Variants in PAPSS1 observed in about 807,000 individuals in gnomAD.
The protein encoded by PAPSS1 is 3'-phosphoadenosine 5'-phosphosulfate synthase 1.
PAPSS1 carries 50 observed loss-of-function variants against 72.0 expected under a neutral mutation model. The ratio of observed to expected loss-of-function variants is 0.69; its 90% CI spans 0.55 to 0.88. The LOEUF is 0.88. Among genes scored for constraint, PAPSS1 ranks in the 40% least tolerant of loss-of-function variants. The pLI is 0.00. For missense variants in PAPSS1, 657 were observed against 782.2 expected (o/e 0.84, Z 1.91); for synonymous variants, 261 against 263.6 (o/e 0.99, Z 0.09).
chr4:107,664,736 A>G (rs537378862), intron 5 of PAPSS1, among the ~76,000 whole-genome samples: 31 of 152,340 alleles, frequency 2.0e-4, no homozygotes, highest in African/African-American at 4.1e-4. Flanking sequence ...GTAAAGGGCA[A>G]TATCTATACT....
At chr4:107,659,303 TC>T (rs1359844219) in intron 6 of PAPSS1, among the ~76,000 whole-genome samples, 2 of 152,236 alleles carry the variant, frequency 1.3e-5, no homozygotes, top group Non-Finnish European at 2.9e-5. Flanking sequence ...CTCCTTACTT[TC>T]AGATGTGGCA....
chr4:107,656,661 T>C (rs1727019235), intron 7 of PAPSS1, among the ~76,000 whole-genome samples: 2 of 152,182 alleles, frequency 1.3e-5, no homozygotes, highest in Admixed American at 1.3e-4. Context: ...TCCTCAGCCC[T>C]GATTCCCAGA....
intron 1 of PAPSS1, among the ~76,000 whole-genome samples, chr4:107,707,983 C>A (rs1723383252): frequency 6.6e-6 from 1 of 152,168 alleles, no homozygotes; most frequent in African/African-American, 2.4e-5. Flanking sequence ...ACATCTGAAT[C>A]TTATTATCAT....
rs1395449556 is a variant in PAPSS1, at chr4:107,654,876, G to A, written c.920C>T (p.Pro307Leu). The change falls in exon 8 of 12, where the codon CCT becomes CTT. Residue 307 changes from proline to leucine, a missense_variant. Physicochemically the swap from Pro to Leu is moderately conservative, Grantham distance 98. This residue lies in a region of PAPSS1 where 190 missense variants were observed against 176.7 expected (regional missense o/e 1.07). Transcript: ENST00000265174. ...LDGGVINLSV[P>L]IVLTATHEDK... The stretch of plus-strand genomic sequence containing the variant: ...TTCATGAGTCGCAGTCAGAACTATA[G>A]GTACTGACAAGTTAATGACACCTCC... 1.2e-6 allele frequency: 2 copies of A among 1,613,634 alleles called. No homozygotes were observed. The highest frequency in any genetic ancestry group is 3.3e-5 in the Admixed American group (2 of 59,988).
At position 107,644,803 on chromosome 4, in the gene PAPSS1, T is replaced by TGTATG; in HGVS notation, c.1504_1505insCATAC (p.Glu502AlafsTer47). Reference sequence around the variant, plus strand: ...GTGAAAATCTTACAAGCAGTCTACCTCAGTTGGTCCAGCATACATCATGGG... The same window carrying TGTATG: ...GTGAAAATCTTACAAGCAGTCTACCTGTATGCAGTTGGTCCAGCATACATCATGGG... On this transcript the variant is annotated frameshift_variant and splice_region_variant, in exon 10 of 12. Coordinates refer to ENST00000265174, the MANE Select transcript of PAPSS1 (RefSeq NM_005443.5). LOFTEE classifies it high-confidence loss of function. 1 of 1,608,302 alleles carries TGTATG rather than the reference T, an allele frequency of 6.2e-7. No individual in the cohort carries two copies. The highest frequency in any genetic ancestry group is 8.5e-7 in the Non-Finnish European group (1 of 1,177,726).
intron 9 of PAPSS1, among the ~76,000 whole-genome samples, chr4:107,653,234 A>C (rs962711221): frequency 6.6e-6 from 1 of 152,064 alleles, no homozygotes; most frequent in Non-Finnish European, 1.5e-5. Context: ...CAGCTTTAAC[A>C]TGCGAGTTTT....
rs531499275 is a variant in PAPSS1 at position 107,646,452 on chromosome 4, C to T, written c.1238-1382G>A. Among the ~76,000 whole-genome samples the T allele has an allele frequency of 2.6e-5, 4 of 151,904 alleles. No homozygotes were observed. The East Asian group carries it at 7.7e-4, about 29-fold the overall frequency. On this transcript the variant is annotated intron_variant, in intron 9 of 11. Coordinates refer to ENST00000265174, the MANE Select transcript of PAPSS1 (RefSeq NM_005443.5). ...CCAGTGGCAAGAAGCAAAACAAAAGCCCATACATTCTAAATACCATTCCCC... is the reference window on the plus strand; with the variant it reads ...CCAGTGGCAAGAAGCAAAACAAAAGTCCATACATTCTAAATACCATTCCCC...
intron 5 of PAPSS1, among the ~76,000 whole-genome samples, chr4:107,676,952 T>C (rs1434154297): frequency 2.0e-5 from 3 of 152,200 alleles, no homozygotes; most frequent in African/African-American, 7.2e-5. Context: ...CCCTATTTAA[T>C]AAATGGTGCT....
At chr4:107,711,213 T>C (rs1457970767) in intron 1 of PAPSS1, among the ~76,000 whole-genome samples, 2 of 152,230 alleles carry the variant, frequency 1.3e-5, no homozygotes, top group African/African-American at 4.8e-5. Flanking sequence ...AATGGAATAA[T>C]TCATTGCAAG....
At chr4:107,677,909 C>T (rs916820336) in intron 5 of PAPSS1, among the ~76,000 whole-genome samples, 8 of 152,060 alleles carry the variant, frequency 5.3e-5, no homozygotes, top group Non-Finnish European at 1.0e-4. Context: ...AGCTGGAAAC[C>T]ATCATTCTCA....
At chr4:107,659,675 T>C (rs1228669703) in intron 6 of PAPSS1, among the ~76,000 whole-genome samples, 1 of 152,184 alleles carries the variant, frequency 6.6e-6, no homozygotes, top group Non-Finnish European at 1.5e-5. Context: ...TTAGAACCCA[T>C]TATTTCTGAT....
At chr4:107,635,187 C>T (rs1335794533) in intron 10 of PAPSS1, among the ~76,000 whole-genome samples, 2 of 152,182 alleles carry the variant, frequency 1.3e-5, no homozygotes, top group Middle Eastern at 3.4e-3. Context: ...AACATGAATA[C>T]ACTTTTTTAG....
At chr4:107,667,243 T>C (rs1383550958) in intron 5 of PAPSS1, among the ~76,000 whole-genome samples, 2 of 152,120 alleles carry the variant, frequency 1.3e-5, no homozygotes, top group African/African-American at 2.4e-5. Flanking sequence ...GGCTGGGGGT[T>C]GAAGTTCATA....
rs767178112 is a variant in PAPSS1, at chr4:107,644,907, C to A, written c.1401G>T (p.Trp467Cys). The A allele has an allele frequency of 5.0e-6, 8 of 1,613,936 alleles. No individual in the cohort carries two copies. The South Asian group carries it at 6.6e-5, about 13-fold the overall frequency. Residue 467 changes from tryptophan to cysteine, a missense_variant, in exon 10 of 12, where the codon TGG becomes TGT. This residue lies in a region of PAPSS1 where 166 missense variants were observed against 228.3 expected (regional missense o/e 0.73). Coordinates refer to ENST00000265174, the MANE Select transcript of PAPSS1 (RefSeq NM_005443.5). Reference protein sequence around the residue: ...WTKDDDVPLMWRMKQHAAVLE... With the variant: ...WTKDDDVPLMCRMKQHAAVLE... ...ACACTGCAGCATGCTGCTTCATACGCCACATCAAAGGAACATCGTCATCCT... is the reference window on the plus strand; with the variant it reads ...ACACTGCAGCATGCTGCTTCATACGACACATCAAAGGAACATCGTCATCCT...
chr4:107,636,211 ACTAACT>A (rs562260005), intron 10 of PAPSS1, among the ~76,000 whole-genome samples: 74 of 152,352 alleles, frequency 4.9e-4, no homozygotes, highest in African/African-American at 1.7e-3. Flanking sequence ...AAAGACAGAA[ACTAACT>A]CAAAGATCCT....
intron 2 of PAPSS1, among the ~76,000 whole-genome samples, chr4:107,695,696 A>T (rs1317824729): frequency 6.6e-6 from 1 of 152,228 alleles, no homozygotes; most frequent in African/African-American, 2.4e-5. Context: ...AGTTTTTAAC[A>T]TAGATGTTGA....
chr4:107,675,865 C>T (rs1408836514), intron 5 of PAPSS1, among the ~76,000 whole-genome samples: 1 of 152,160 alleles, frequency 6.6e-6, no homozygotes, highest in Non-Finnish European at 1.5e-5. Context: ...CCCTGGGATG[C>T]AAGGCTGGTT....
intron 1 of PAPSS1, among the ~76,000 whole-genome samples, chr4:107,717,027 C>T (rs1010194104): frequency 6.6e-6 from 1 of 151,882 alleles, no homozygotes; most frequent in Non-Finnish European, 1.5e-5. Context: ...ATGTTATCCA[C>T]ATGTCCCTAC....
At chr4:107,658,365 AAAAG>A (rs1282616750) in intron 6 of PAPSS1, among the ~76,000 whole-genome samples, 1 of 147,222 alleles carries the variant, frequency 6.8e-6, no homozygotes, top group African/African-American at 2.7e-5. Flanking sequence ...AAAAAAAAAA[AAAAG>A]AAAGGAAGAA....
Sources: gnomAD v4.1 joint callset for allele counts (sites outside exome capture counted in the v4.1 genomes callset) on GRCh38, gnomAD v4.1.1 for gene constraint, gnomAD v4.1.1 regional missense constraint, MANE v1.5 for transcripts, NCBI Gene and HGNC (gene_info 2026-07-23, HGNC 2026-07-21) for gene names.